Variants in ANKRD46 observed in about 807,000 individuals in gnomAD.
ANKRD46 encodes ankyrin repeat domain-containing protein 46.
Under a neutral mutation model 19.8 loss-of-function variants are expected in ANKRD46, and 13 were observed. That is an observed-to-expected ratio of 0.66 (90% CI 0.43 to 1.04). The LOEUF is 1.04. Among genes scored for constraint, ANKRD46 ranks in the 50% least tolerant of loss-of-function variants. ANKRD46 has a pLI of 0.00. For missense variants in ANKRD46, 185 were observed against 274.8 expected (o/e 0.67, Z 2.31); for synonymous variants, 91 against 106.9 (o/e 0.85, Z 0.92).
At position 100,529,523 on chromosome 8, in the gene ANKRD46, C is replaced by T; in HGVS notation, c.311G>A (p.Cys104Tyr). The change falls in exon 3 of 5, where the codon TGC (cysteine) becomes TAC (tyrosine). Residue 104 changes from cysteine (C) to tyrosine (Y), a missense_variant and splice_region_variant. By Grantham distance (194) the Cys-to-Tyr change is radical. Coordinates refer to ENST00000335659, the MANE Select transcript of ANKRD46 (RefSeq NM_001270377.2). The surrounding 1 kb of genome is among the most constrained non-coding windows in gnomAD (Gnocchi z 5.8). ...ACTTCTAAAACAACAGAGAACTTACCAAATATCAATTTTGAGTCCATTGGA... is the reference window on the plus strand; with the variant it reads ...ACTTCTAAAACAACAGAGAACTTACTAAATATCAATTTTGAGTCCATTGGA... ...LVSNGLKIDI[C>Y]NHQGATPLVL... is the part of the protein sequence containing the mutation. 6.2e-7 allele frequency: 1 copy of T among 1,608,194 alleles called. No homozygotes were observed. Among genetic ancestry groups the T allele is most frequent in the South Asian group, 1.1e-5 (1 of 90,726 alleles).
Position 100,521,962 on chromosome 8 carries a change from G to A in ANKRD46, c.*593C>T, listed in dbSNP as rs553047949. The A allele has an allele frequency of 4.1e-6, 4 of 982,834 alleles. No homozygotes were observed. The South Asian group carries it at 1.9e-4, about 46-fold the overall frequency. 60.9% of individuals were successfully genotyped at this position (982,834 alleles called of 1,614,324 possible). A position where few individuals can be genotyped will look rare whatever the true frequency, so the allele number is the denominator to read the frequency against. On this transcript the variant is annotated 3_prime_UTR_variant, in exon 5 of 5. Coordinates refer to ENST00000335659, the MANE Select transcript of ANKRD46 (RefSeq NM_001270377.2). Reference sequence around the variant, plus strand: ...ATATAAGATCAAATCAATTATCTTTGAACAAAATATAGCTCATTTTCAAAA... The same window carrying A: ...ATATAAGATCAAATCAATTATCTTTAAACAAAATATAGCTCATTTTCAAAA...
rs1811709742 is a variant in ANKRD46, at chr8:100,520,791, AT to A, written c.*1763del. On this transcript the variant is annotated 3_prime_UTR_variant, in exon 5 of 5. Coordinates refer to ENST00000335659, the MANE Select transcript of ANKRD46 (RefSeq NM_001270377.2). ...TCGTGATTAAGGGATATATAAATAC[AT>A]TTATTGGTGGTATTCCTGAATGATG... The A allele has an allele frequency of 1.0e-6, 1 of 982,332 alleles. No individual in the cohort carries two copies. The allele number at this position is 982,332 out of a possible 1,614,324, so 60.9% of individuals were successfully genotyped here.
rs925767975 is a variant in ANKRD46, at chr8:100,521,720, C to A, written c.*835G>T. The A allele has an allele frequency of 1.0e-6, 1 of 985,164 alleles. No homozygotes were observed. The highest frequency in any genetic ancestry group is 1.2e-6 in the Non-Finnish European group (1 of 829,828). The allele number at this position is 985,164 out of a possible 1,614,324, so 61.0% of individuals were successfully genotyped here. A position where few individuals can be genotyped will look rare whatever the true frequency, so the allele number is the denominator to read the frequency against. ...TGAGTTTTTCACTATAATAGCACTA[C>A]AGAATTATGACAGTTAAATATCAGA... On this transcript the variant is annotated 3_prime_UTR_variant, in exon 5 of 5. Transcript: ENST00000335659.
In ANKRD46 at chr8:100,528,005, TAAAAAA is replaced by T. The variant is rs746946951; in HGVS notation, c.312-8_312-3del. 20 of 1,165,488 alleles carry T rather than the reference TAAAAAA, an allele frequency of 1.7e-5. No homozygotes were observed. The highest frequency in any genetic ancestry group is 5.4e-5 in the Admixed American group (1 of 18,412). The allele number at this position is 1,165,488 out of a possible 1,614,324, so 72.2% of individuals were successfully genotyped here. On this transcript the variant is annotated splice_region_variant and splice_polypyrimidine_tract_variant and intron_variant, in intron 3 of 4. Transcript: ENST00000335659. ...AAAGGGGTAGCACCTTGATGATTGC[TAAAAAA>T]AAAAAAAAAAAAAAAAGTTTATAAA...
rs765393031 is a variant in ANKRD46, at chr8:100,536,710, C to A, written c.-130-3399G>T. The stretch of plus-strand genomic sequence containing the variant: ...ACAGTCAATATGGGAATAACCACGC[C>A]CCAGAAAGCATGCTGGTTGCTGACC... On this transcript the variant is annotated intron_variant, in intron 1 of 4. Transcript: ENST00000335659. The surrounding 1 kb of genome is among the most constrained non-coding windows in gnomAD (Gnocchi z 4.9). 1.4e-4 allele frequency among the ~76,000 whole-genome samples: 21 copies of A among 152,154 alleles called. No homozygotes were observed. The highest frequency in any genetic ancestry group is 3.2e-3 in the Middle Eastern group (1 of 316).
At position 100,532,879 on chromosome 8, in the gene ANKRD46, T is replaced by C. The variant is rs536171073; in HGVS notation, c.-28+330A>G. ...AGTGCTTTTCAAAAGGTAATGTGTTTTGGTTAAATTTTTAAAAATAGATAA... is the reference window on the plus strand; with the variant it reads ...AGTGCTTTTCAAAAGGTAATGTGTTCTGGTTAAATTTTTAAAAATAGATAA... On this transcript the variant is annotated intron_variant, in intron 2 of 4. Coordinates refer to ENST00000335659, the MANE Select transcript of ANKRD46 (RefSeq NM_001270377.2). The surrounding 1 kb of genome is among the most constrained non-coding windows in gnomAD (Gnocchi z 4.7). Among the ~76,000 whole-genome samples, 2 of 152,308 alleles carry C rather than the reference T, an allele frequency of 1.3e-5. No individual in the cohort carries two copies. Among genetic ancestry groups the C allele is most frequent in the South Asian group, 2.1e-4 (1 of 4,826 alleles).
At chr8:100,551,408 A>C (rs1278123707) in intron 1 of ANKRD46, 2 of 620,344 alleles carry the variant, frequency 3.2e-6, no homozygotes, top group African/African-American at 3.6e-5. Flanking sequence ...CTCTATGGTC[A>C]TGAAGATGCC....
rs1812213765 is a variant in ANKRD46 at position 100,543,434 on chromosome 8, A to G, written c.-130-10123T>C. On this transcript the variant is annotated intron_variant, in intron 1 of 4. Coordinates refer to ENST00000335659, the MANE Select transcript of ANKRD46 (RefSeq NM_001270377.2). The surrounding 1 kb of genome is among the most constrained non-coding windows in gnomAD (Gnocchi z 4.2). ...ACAATTTTCTAAATGACTTGTAGAT[A>G]GGAGCAGGACACAATATAAAACTGT... Among the ~76,000 whole-genome samples, 1 of 152,248 alleles carries G rather than the reference A, an allele frequency of 6.6e-6. No individual in the cohort carries two copies. Among genetic ancestry groups the G allele is most frequent in the Non-Finnish European group, 1.5e-5 (1 of 68,034 alleles).
At chr8:100,530,144 A>T (rs951714927) in intron 2 of ANKRD46, among the ~76,000 whole-genome samples, 10 of 152,264 alleles carry the variant, frequency 6.6e-5, no homozygotes, top group Non-Finnish European at 1.5e-4. Context: ...GTTAAGCAAG[A>T]CATAATAGCT....
chr8:100,538,383 C>G (rs1812107125), intron 1 of ANKRD46, among the ~76,000 whole-genome samples: 1 of 152,116 alleles, frequency 6.6e-6, no homozygotes, highest in Non-Finnish European at 1.5e-5. Flanking sequence ...TCATTATTCC[C>G]TAAACAACAC....
At chr8:100,547,051 G>A (rs1361056776) in intron 1 of ANKRD46, among the ~76,000 whole-genome samples, 1 of 152,162 alleles carries the variant, frequency 6.6e-6, no homozygotes, top group Non-Finnish European at 1.5e-5. Context: ...GACTTGCCTT[G>A]TCTCAGATGA....
At position 100,544,794 on chromosome 8, in the gene ANKRD46, T is replaced by G. The variant is rs1359936749; in HGVS notation, c.-130-11483A>C. On this transcript the variant is annotated intron_variant, in intron 1 of 4. Coordinates refer to ENST00000335659, the MANE Select transcript of ANKRD46 (RefSeq NM_001270377.2). The surrounding 1 kb of genome is among the most constrained non-coding windows in gnomAD (Gnocchi z 4.4). ...ATACAAATATAAGATGCTATATATT[T>G]TTTCTTAGTTTCTTATTCCACATCT... Among the ~76,000 whole-genome samples, 1 of 152,192 alleles carries G rather than the reference T, an allele frequency of 6.6e-6. No homozygotes were observed. The highest frequency in any genetic ancestry group is 1.5e-5 in the Non-Finnish European group (1 of 68,042).
rs568049331 is a variant in ANKRD46 at position 100,528,098 on chromosome 8, T to G, written c.312-95A>C. Reference sequence around the variant, plus strand: ...CAGTTCCATTTTTAGTACCCACTTATATAGATCTCAGTGAAGAAAGAATGG... The same window carrying G: ...CAGTTCCATTTTTAGTACCCACTTAGATAGATCTCAGTGAAGAAAGAATGG... On this transcript the variant is annotated intron_variant, in intron 3 of 4. Transcript: ENST00000335659. 1.3e-5 allele frequency: 17 copies of G among 1,294,202 alleles called. No individual in the cohort carries two copies. In the East Asian group the frequency reaches 3.2e-4, roughly 24 times the overall value. The allele number at this position is 1,294,202 out of a possible 1,614,324, so 80.2% of individuals were successfully genotyped here. A position where few individuals can be genotyped will look rare whatever the true frequency, so the allele number is the denominator to read the frequency against.
intron 1 of ANKRD46, among the ~76,000 whole-genome samples, chr8:100,533,922 C>T (rs1224366680): frequency 1.3e-5 from 2 of 152,196 alleles, no homozygotes; most frequent in African/African-American, 4.8e-5. Context: ...CGCTGCTCCC[C>T]CACCCAGGCT....
At position 100,557,954 on chromosome 8, in the gene ANKRD46, G is replaced by A. The variant is rs539925029; in HGVS notation, c.-131+1757C>T. On this transcript the variant is annotated intron_variant, in intron 1 of 4. Coordinates refer to ENST00000335659, the MANE Select transcript of ANKRD46 (RefSeq NM_001270377.2). The surrounding 1 kb of genome is among the most constrained non-coding windows in gnomAD (Gnocchi z 5.9). ...AGATACGTTAACTTTCACAAATCCC[G>A]CTTATCGTCCCCAACCCCACCTTCC... Among the ~76,000 whole-genome samples the A allele has an allele frequency of 2.0e-5, 3 of 152,088 alleles. No individual in the cohort carries two copies. The highest frequency in any genetic ancestry group is 2.9e-5 in the Non-Finnish European group (2 of 68,000).
intron 1 of ANKRD46, among the ~76,000 whole-genome samples, chr8:100,539,258 G>A (rs78378571): frequency 0.025 from 3,732 of 152,258 alleles, 168 homozygotes; most frequent in African/African-American, 0.083. Flanking sequence ...TATGGCTAGG[G>A]CCCAATTTTT....
rs1318081765 is a variant in ANKRD46, at chr8:100,511,821, C to T, written c.637-1182G>A. ...GGCAGATCACTTGAGGTCAGGAGTTCGAGACCAGCCTGGCCAACAATGGTG... is the reference window on the plus strand; with the variant it reads ...GGCAGATCACTTGAGGTCAGGAGTTTGAGACCAGCCTGGCCAACAATGGTG... On this transcript the variant is annotated intron_variant, in intron 5 of 5. Coordinates refer to the ANKRD46 transcript ENST00000520552. This position sits in a 1 kb window ranked among gnomAD's most constrained non-coding sequence, Gnocchi z 4.1. Among the ~76,000 whole-genome samples, 2 of 152,136 alleles carry T rather than the reference C, an allele frequency of 1.3e-5. No homozygotes were observed. Among genetic ancestry groups the T allele is most frequent in the East Asian group, 3.9e-4 (2 of 5,186 alleles).
chr8:100,547,863 G>C (rs936021270), intron 1 of ANKRD46, among the ~76,000 whole-genome samples: 1 of 152,026 alleles, frequency 6.6e-6, no homozygotes, highest in Non-Finnish European at 1.5e-5. Context: ...GTGCCCTAAC[G>C]AACAATTTTA....
rs574152708 is a variant in ANKRD46 at position 100,550,928 on chromosome 8, G to A, written c.-131+8783C>T. 2.7e-5 allele frequency: 16 copies of A among 600,156 alleles called. No individual in the cohort carries two copies. The highest frequency in any genetic ancestry group is 1.8e-4 in the South Asian group (12 of 66,992). 37.2% of individuals were successfully genotyped at this position (600,156 alleles called of 1,614,324 possible). A position where few individuals can be genotyped will look rare whatever the true frequency, so the allele number is the denominator to read the frequency against. On this transcript the variant is annotated intron_variant, in intron 1 of 4. Coordinates refer to ENST00000335659, the MANE Select transcript of ANKRD46 (RefSeq NM_001270377.2). The surrounding 1 kb of genome is among the most constrained non-coding windows in gnomAD (Gnocchi z 4.4). Reference sequence around the variant, plus strand: ...AGATGCCCTTGAGGGGCCCTCTGACGCCTGCTTCACCACCTTTTTGATGTC... The same window carrying A: ...AGATGCCCTTGAGGGGCCCTCTGACACCTGCTTCACCACCTTTTTGATGTC...
Sources: gnomAD v4.1 joint callset for allele counts (sites outside exome capture counted in the v4.1 genomes callset) on GRCh38, gnomAD v4.1.1 for gene constraint, Gnocchi (gnomAD v3.1) non-coding constraint, MANE v1.5 for transcripts, NCBI Gene and HGNC (gene_info 2026-07-23, HGNC 2026-07-21) for gene names.